The following PRELID2 variants were observed in gnomAD, a reference collection of about 807,000 sequenced individuals.
The protein encoded by PRELID2 is PRELI domain-containing protein 2.
Under a neutral mutation model 28.4 loss-of-function variants are expected in PRELID2, and 25 were observed. The ratio of observed to expected loss-of-function variants is 0.88; its 90% CI spans 0.64 to 1.23. PRELID2 has a LOEUF of 1.23. Ranked by LOEUF, PRELID2 falls within the 50% of genes most tolerant of loss-of-function variation. The pLI, the probability that PRELID2 is intolerant of heterozygous loss-of-function variation, is 0.00. For missense variants in PRELID2, 201 were observed against 214.4 expected (o/e 0.94, Z 0.39); for synonymous variants, 76 against 71.6 (o/e 1.06, Z -0.31).
chr5:145,710,967 T>G (rs1028341910), intron 1 of PRELID2, among the ~76,000 whole-genome samples: 5 of 152,156 alleles, frequency 3.3e-5, no homozygotes, highest in African/African-American at 1.2e-4. Context: ...AGGATAATAT[T>G]AGAATAGACA....
the PRELID2 span, among the ~76,000 whole-genome samples, chr5:145,299,629 A>T: frequency 7.6e-6 from 1 of 131,960 alleles, no homozygotes; most frequent in Admixed American, 7.9e-5. Flanking sequence ...AGACCACTAC[A>T]TATATATGTG....
At chr5:145,733,495 A>G (rs1401890381) in intron 1 of PRELID2, among the ~76,000 whole-genome samples, 1 of 152,208 alleles carries the variant, frequency 6.6e-6, no homozygotes, top group Non-Finnish European at 1.5e-5. Context: ...ATTACTCTGC[A>G]TTATCTTCCT....
intron 1 of PRELID2, among the ~76,000 whole-genome samples, chr5:145,528,039 C>T (rs1221944774): frequency 6.6e-6 from 1 of 152,098 alleles, no homozygotes; most frequent in East Asian, 1.9e-4. Flanking sequence ...CACCTATCAC[C>T]TACTCACCCT....
chr5:145,580,313 T>C (rs544281723), intron 1 of PRELID2, among the ~76,000 whole-genome samples: 1 of 152,146 alleles, frequency 6.6e-6, no homozygotes, highest in African/African-American at 2.4e-5. Context: ...CCCCCTAATA[T>C]TGAGGTTAAT....
At chr5:145,526,763 G>T (rs1752608388) in intron 1 of PRELID2, among the ~76,000 whole-genome samples, 2 of 152,180 alleles carry the variant, frequency 1.3e-5, no homozygotes, top group South Asian at 4.1e-4. Flanking sequence ...AGCCTGAGAG[G>T]CTATGTAGAG....
the PRELID2 span, among the ~76,000 whole-genome samples, chr5:145,259,928 G>T: frequency 4.6e-5 from 7 of 152,302 alleles, no homozygotes; most frequent in East Asian, 1.4e-3. Flanking sequence ...AATGTTGGAT[G>T]TGAGGTCTGG....
chr5:145,666,732 A>G (rs1484478108), intron 1 of PRELID2, among the ~76,000 whole-genome samples: 1 of 152,058 alleles, frequency 6.6e-6, no homozygotes, highest in Non-Finnish European at 1.5e-5. Context: ...CTGTGAAGCA[A>G]TTTATGAGTC....
chr5:145,310,945 C>T, the PRELID2 span, among the ~76,000 whole-genome samples: 1 of 151,542 alleles, frequency 6.6e-6, no homozygotes, highest in East Asian at 1.9e-4. Context: ...CAGTTCTGTT[C>T]TCCATACCAA....
chr5:145,256,446 T>C, the PRELID2 span, among the ~76,000 whole-genome samples: 1 of 152,064 alleles, frequency 6.6e-6, no homozygotes, highest in African/African-American at 2.4e-5. Flanking sequence ...GTTCACCCAG[T>C]TGATCCAGAA....
rs549364944 is a variant in PRELID2, at chr5:145,496,466, G to T, written n.71-23151C>A. On this transcript the variant is annotated intron_variant and non_coding_transcript_variant, in intron 1 of 2. Transcript: ENST00000510259. ...TAACCTGGGAAATCCAATACTTGGAGATCTGAAAGTAAGAGATAAACCAGC... is the reference window on the plus strand; with the variant it reads ...TAACCTGGGAAATCCAATACTTGGATATCTGAAAGTAAGAGATAAACCAGC... Among the ~76,000 whole-genome samples, 18 of 152,276 alleles carry T rather than the reference G, an allele frequency of 1.2e-4. No homozygotes were observed. The East Asian group carries it at 3.5e-3, about 29-fold the overall frequency.
At position 145,645,384 on chromosome 5, in the gene PRELID2, G is replaced by T. The variant is rs947248088; in HGVS notation, n.70+119547C>A. ...TTTTTTGGCTTTTTGCTTTCCATTTGCTTGGTAAATATCCCTCCATCCCTT... is the reference window on the plus strand; with the variant it reads ...TTTTTTGGCTTTTTGCTTTCCATTTTCTTGGTAAATATCCCTCCATCCCTT... On this transcript the variant is annotated intron_variant and non_coding_transcript_variant, in intron 1 of 2. Coordinates refer to the PRELID2 transcript ENST00000510259. Among the ~76,000 whole-genome samples the T allele has an allele frequency of 2.1e-3, 114 of 55,434 alleles. 2 individuals are homozygous for T. The highest frequency in any genetic ancestry group is 6.9e-3 in the African/African-American group (92 of 13,316). The allele number at this position is 55,434 out of a possible 152,430, so 36.4% of individuals were successfully genotyped here. A position where few individuals can be genotyped will look rare whatever the true frequency, so the allele number is the denominator to read the frequency against.
At chr5:145,431,770 A>G in the PRELID2 span, among the ~76,000 whole-genome samples, 1 of 152,238 alleles carries the variant, frequency 6.6e-6, no homozygotes. Context: ...GACTAAAGAG[A>G]TAAGACAACT....
intron 1 of PRELID2, among the ~76,000 whole-genome samples, chr5:145,698,267 T>C (rs1430718928): frequency 6.6e-6 from 1 of 152,232 alleles, no homozygotes; most frequent in Non-Finnish European, 1.5e-5. Flanking sequence ...AGGTACCAAT[T>C]GCCTTACCTG....
At chr5:145,393,773 G>A in the PRELID2 span, among the ~76,000 whole-genome samples, 2,245 of 152,250 alleles carry the variant, frequency 0.015, 47 homozygotes, top group African/African-American at 0.051. Context: ...CTTAAAATAC[G>A]TGTGGAGAAA....
At chr5:145,409,766 AG>A in the PRELID2 span, among the ~76,000 whole-genome samples, 10 of 150,400 alleles carry the variant, frequency 6.6e-5, 1 homozygote, top group African/African-American at 2.5e-4. Flanking sequence ...AAAAAAAAAA[AG>A]ACAAAGAGAG....
chr5:145,558,860 G>A (rs1752902355), intron 1 of PRELID2, among the ~76,000 whole-genome samples: 1 of 151,996 alleles, frequency 6.6e-6, no homozygotes, highest in South Asian at 2.1e-4. Flanking sequence ...CAAAATCTAT[G>A]AAAAAAATGT....
At chr5:145,608,067 T>C (rs1368800692) in intron 1 of PRELID2, among the ~76,000 whole-genome samples, 1 of 148,414 alleles carries the variant, frequency 6.7e-6, no homozygotes, top group Non-Finnish European at 1.5e-5. Flanking sequence ...GAAATTAAAA[T>C]AGTAAACCCT....
intron 1 of PRELID2, among the ~76,000 whole-genome samples, chr5:145,611,795 A>G (rs2149645434): frequency 6.6e-6 from 1 of 152,344 alleles, no homozygotes; most frequent in Non-Finnish European, 1.5e-5. Flanking sequence ...TAAATGAAAT[A>G]CTAATCCTAA....
chr5:145,267,481 A>G, the PRELID2 span, among the ~76,000 whole-genome samples: 1 of 152,188 alleles, frequency 6.6e-6, no homozygotes, highest in Non-Finnish European at 1.5e-5. Context: ...TGCAAATGAC[A>G]GACTCTCATT....
Sources: allele counts gnomAD v4.1 joint callset (sites outside exome capture counted in the v4.1 genomes callset), GRCh38; gene constraint gnomAD v4.1.1; transcripts MANE v1.5; gene names NCBI Gene and HGNC (gene_info 2026-07-23, HGNC 2026-07-21).